Variants in RAB37 observed in about 807,000 individuals in gnomAD.
The protein encoded by RAB37 is RAB37, member RAS oncogene family.
RAB37 carries 29 observed loss-of-function variants against 33.1 expected under a neutral mutation model. That is an observed-to-expected ratio of 0.88 (90% CI 0.65 to 1.20). The LOEUF (loss-of-function observed/expected upper bound fraction) is 1.20. RAB37 is among the 50% of genes most tolerant of loss of function. The pLI, the probability that RAB37 is intolerant of heterozygous loss-of-function variation, is 0.00. For missense variants in RAB37, 299 were observed against 301.1 expected, an observed-to-expected ratio of 0.99 and a Z score of 0.05; for synonymous variants, 128 against 119.5, an observed-to-expected ratio of 1.07 and a Z score of -0.47.
intron 1 of RAB37, among the ~76,000 whole-genome samples, chr17:74,675,117 T>C (rs1449848060): frequency 5.9e-5 from 9 of 152,172 alleles, no homozygotes; most frequent in Admixed American, 3.3e-4. Context: ...GTAACGCGTA[T>C]ATATAAAATC....
chr17:74,702,023 T>TA (rs1056975884), intron 1 of RAB37, among the ~76,000 whole-genome samples: 70 of 139,764 alleles, frequency 5.0e-4, no homozygotes, highest in African/African-American at 1.5e-3. Context: ...TGTCTAAAAA[T>TA]AAAAAAAAAG....
chr17:74,728,104 G>T (rs755564915), intron 1 of RAB37, among the ~76,000 whole-genome samples: 1 of 152,150 alleles, frequency 6.6e-6, no homozygotes, highest in African/African-American at 2.4e-5. Context: ...GTGTGTGCAT[G>T]TGTGTCTGTG....
intron 1 of RAB37, among the ~76,000 whole-genome samples, chr17:74,705,598 T>G (rs963836984): frequency 1.3e-5 from 2 of 152,178 alleles, no homozygotes; most frequent in African/African-American, 4.8e-5. Flanking sequence ...TCTTTTTTTC[T>G]TTTGAAACAG....
Position 74,730,274 on chromosome 17 carries a change from C to T in RAB37, c.183+908C>T, listed in dbSNP as rs113740246. Among the ~76,000 whole-genome samples, 22 of 152,196 alleles carry T rather than the reference C, an allele frequency of 1.4e-4. No homozygotes were observed. Among genetic ancestry groups the T allele is most frequent in the African/African-American group, 5.1e-4 (21 of 41,444 alleles). On this transcript the variant is annotated intron_variant, in intron 2 of 7. Coordinates refer to the RAB37 transcript ENST00000340415. This position sits in a 1 kb window ranked among gnomAD's most constrained non-coding sequence, Gnocchi z 4.4. ...TTGGACAACGCGGATGTTTGGGAACCTCTGAGACCAGAGCACAGGGCCTGT... is the reference window on the plus strand; with the variant it reads ...TTGGACAACGCGGATGTTTGGGAACTTCTGAGACCAGAGCACAGGGCCTGT...
At chr17:74,691,966 T>C (rs1276433161) in intron 1 of RAB37, among the ~76,000 whole-genome samples, 2 of 151,588 alleles carry the variant, frequency 1.3e-5, no homozygotes, top group East Asian at 1.9e-4. Flanking sequence ...TCTGGGTTCA[T>C]GCCATTCTCC....
At chr17:74,695,637 C>T in intron 1 of RAB37, 1 of 1,579,044 alleles carries the variant, frequency 6.3e-7, no homozygotes, top group South Asian at 1.1e-5. Flanking sequence ...CCCACATGAG[C>T]AGGAGAAAGC....
At chr17:74,675,894 C>G (rs1360346895) in intron 1 of RAB37, among the ~76,000 whole-genome samples, 1 of 152,216 alleles carries the variant, frequency 6.6e-6, no homozygotes, top group Non-Finnish European at 1.5e-5. Context: ...AAACATTGAG[C>G]TCATCCATCA....
At chr17:74,723,028 T>C (rs1239528323) in intron 1 of RAB37, among the ~76,000 whole-genome samples, 1 of 152,202 alleles carries the variant, frequency 6.6e-6, no homozygotes, top group Non-Finnish European at 1.5e-5. Context: ...CTGGATAAAG[T>C]AGGATTTAAT....
At chr17:74,706,749 G>C (rs2033553516) in intron 1 of RAB37, among the ~76,000 whole-genome samples, 1 of 152,216 alleles carries the variant, frequency 6.6e-6, no homozygotes, top group African/African-American at 2.4e-5. Context: ...CAGTGTCAGA[G>C]AGACCCTGGG....
At chr17:74,739,308 T>C (rs909783528) in intron 1 of RAB37, among the ~76,000 whole-genome samples, 24 of 152,120 alleles carry the variant, frequency 1.6e-4, no homozygotes, top group South Asian at 4.1e-4. Flanking sequence ...TGCGTGTCCC[T>C]GGGGAAGATG....
At chr17:74,743,073 G>A in intron 3 of RAB37, 56 bp from the exon 4 acceptor site, 1 of 1,520,298 alleles carries the variant, frequency 6.6e-7, no homozygotes, top group Non-Finnish European at 9.1e-7. Flanking sequence ...GCTCCACCCA[G>A]CACATTCCTT....
chr17:74,731,268 G>T (rs1450185303), intron 2 of RAB37, among the ~76,000 whole-genome samples: 1 of 152,228 alleles, frequency 6.6e-6, no homozygotes, highest in Non-Finnish European at 1.5e-5. Flanking sequence ...CGCTGGCCAG[G>T]CTGTAGCCTG....
chr17:74,743,044 C>A, intron 3 of RAB37, 85 bp from the exon 4 acceptor site: 2 of 1,228,294 alleles, frequency 1.6e-6, no homozygotes, highest in South Asian at 2.6e-5. Flanking sequence ...ACAGATATCT[C>A]ATACAACAAA....
Position 74,737,370 on chromosome 17 carries a change from G to A in RAB37, c.93+5G>A. 6.4e-7 allele frequency: 1 copy of A among 1,561,318 alleles called. No individual in the cohort carries two copies. The highest frequency in any genetic ancestry group is 1.2e-5 in the South Asian group (1 of 85,992). On this transcript the variant is annotated splice_donor_5th_base_variant and intron_variant, in intron 1 of 8. Transcript: ENST00000392613. ...AGCTACGACCTCACGGGCAAGGTGGGTGGGCCTCTTCCGTGAGACCCCCGC... is the reference window on the plus strand; with the variant it reads ...AGCTACGACCTCACGGGCAAGGTGGATGGGCCTCTTCCGTGAGACCCCCGC...
At chr17:74,695,740 C>T (rs1378511765) in intron 1 of RAB37, 1 of 1,614,142 alleles carries the variant, frequency 6.2e-7, no homozygotes, top group Non-Finnish European at 8.5e-7. Context: ...TGACATATTC[C>T]ACTTCCACCT....
intron 1 of RAB37, among the ~76,000 whole-genome samples, chr17:74,680,493 A>G (rs183186543): frequency 4.6e-5 from 7 of 152,276 alleles, no homozygotes; most frequent in Admixed American, 2.0e-4. Context: ...TCCAGGGGAA[A>G]AAATGGAACT....
At chr17:74,691,826 T>C (rs374182518) in intron 1 of RAB37, among the ~76,000 whole-genome samples, 1 of 152,004 alleles carries the variant, frequency 6.6e-6, no homozygotes, top group Non-Finnish European at 1.5e-5. Flanking sequence ...ATAGTTGAAA[T>C]GGCACAGTTA....
Position 74,745,451 on chromosome 17 carries a change from A to T in RAB37, c.*40A>T. Reference sequence around the variant, plus strand: ...AGAGGAGGCTCTGGAGGCACACAGGATGCAGCCTTCCCCCTCCCAGGCCTG... The same window carrying T: ...AGAGGAGGCTCTGGAGGCACACAGGTTGCAGCCTTCCCCCTCCCAGGCCTG... On this transcript the variant is annotated 3_prime_UTR_variant, in exon 9 of 9. Transcript: ENST00000392613. The surrounding 1 kb of genome is among the most constrained non-coding windows in gnomAD (Gnocchi z 4.5). 4 of 1,522,394 alleles carry T rather than the reference A, an allele frequency of 2.6e-6. No individual in the cohort carries two copies. The highest frequency in any genetic ancestry group is 9.1e-7 in the Non-Finnish European group (1 of 1,097,050). 94.3% of individuals were successfully genotyped at this position (1,522,394 alleles called of 1,614,324 possible). A position where few individuals can be genotyped will look rare whatever the true frequency, so the allele number is the denominator to read the frequency against.
chr17:74,727,012 A>T (rs1451490731), intron 1 of RAB37, among the ~76,000 whole-genome samples: 1 of 152,174 alleles, frequency 6.6e-6, no homozygotes, highest in Non-Finnish European at 1.5e-5. Flanking sequence ...TCTGTTGTTT[A>T]TGATTTTCTT....
Sources: allele counts gnomAD v4.1 joint callset (sites outside exome capture counted in the v4.1 genomes callset), GRCh38; gene constraint gnomAD v4.1.1; non-coding constraint Gnocchi (gnomAD v3.1); transcripts MANE v1.5; gene names NCBI Gene and HGNC (gene_info 2026-07-23, HGNC 2026-07-21).